The following KCTD2 variants were observed in gnomAD, a reference collection of about 807,000 sequenced individuals.
The protein encoded by KCTD2 is BTB/POZ domain-containing protein KCTD2.
KCTD2 carries 18 observed loss-of-function variants against 27.9 expected under a neutral mutation model. The ratio of observed to expected loss-of-function variants is 0.64; its 90% confidence interval spans 0.45 to 0.96. The LOEUF (loss-of-function observed/expected upper bound fraction) is 0.96, where lower values mean the gene tolerates loss of function less well. KCTD2 is among the 40% of genes least tolerant of loss of function. The pLI is 0.00. For synonymous variants in KCTD2, 175 were observed against 148.4 expected (o/e 1.18, Z -1.30); for missense variants, 280 against 348.0 (o/e 0.80, Z 1.56).
rs899680192 is a variant in KCTD2, at chr17:75,063,082, G to A, written c.*35G>A. The A allele has an allele frequency of 1.9e-6, 3 of 1,602,768 alleles. No homozygotes were observed. The highest frequency in any genetic ancestry group is 2.6e-6 in the Non-Finnish European group (3 of 1,170,216). On this transcript the variant is annotated 3_prime_UTR_variant, in exon 6 of 6. Coordinates refer to ENST00000322444, the MANE Select transcript of KCTD2 (RefSeq NM_015353.3). ...CCGAAAACTCCAGACCTTCAGGAGA[G>A]CAGTCAGCAGAGCCCCTCTGTGAAG...
chr17:75,051,676 C>T (rs1037680306), intron 2 of KCTD2, among the ~76,000 whole-genome samples: 6 of 150,944 alleles, frequency 4.0e-5, no homozygotes, highest in African/African-American at 7.3e-5. Flanking sequence ...ACAGTTATTT[C>T]TGAACTATTT....
Position 75,047,291 on chromosome 17 carries a change from G to C in KCTD2, c.41G>C (p.Gly14Ala). ...CTGGACCCGGCGATGGCGGGGCTGG[G>C]AGGGGGCGGCGGGAGTGGGGTGGGC... ...LQLDPAMAGL[G>A]GGGGSGVGDG... The change falls in exon 1 of 6, where the codon GGA becomes GCA. Residue 14 changes from glycine (G) to alanine (A), a missense_variant. By Grantham distance (60) the Gly-to-Ala change is moderately conservative. Transcript: ENST00000322444. 3.6e-6 allele frequency: 4 copies of C among 1,102,742 alleles called. No homozygotes were observed. Among genetic ancestry groups the C allele is most frequent in the Non-Finnish European group, 4.5e-6 (4 of 893,754 alleles). 68.3% of individuals were successfully genotyped at this position (1,102,742 alleles called of 1,614,324 possible).
At position 75,047,327 on chromosome 17, in the gene KCTD2, G is replaced by GCCCAC; in HGVS notation, c.81_82insCCCCA (p.Val28ProfsTer51). ...GGGAGTGGGGTGGGCGACGGGGGTGGCCCAGTCCGCGGGCCCCCCAGCCCA... is the reference window on the plus strand; with the variant it reads ...GGGAGTGGGGTGGGCGACGGGGGTGGCCCACCCCAGTCCGCGGGCCCCCCAGCCCA... On this transcript the variant is annotated frameshift_variant, in exon 1 of 6. Coordinates refer to ENST00000322444, the MANE Select transcript of KCTD2 (RefSeq NM_015353.3). LOFTEE classifies it high-confidence loss of function. The GCCCAC allele has an allele frequency of 8.6e-7, 1 of 1,158,540 alleles. No homozygotes were observed. 71.8% of individuals were successfully genotyped at this position (1,158,540 alleles called of 1,614,324 possible).
intron 3 of KCTD2, among the ~76,000 whole-genome samples, chr17:75,036,941 T>C (rs560299989): frequency 3.4e-4 from 51 of 152,130 alleles, no homozygotes; most frequent in Non-Finnish European, 3.4e-4. Context: ...AACCCGGCCT[T>C]ACTCCTACCA....
intron 1 of KCTD2, among the ~76,000 whole-genome samples, chr17:75,048,634 A>T (rs2073253272): frequency 6.6e-6 from 1 of 152,164 alleles, no homozygotes; most frequent in African/African-American, 2.4e-5. Flanking sequence ...TGTAAAGATG[A>T]GTAGGATTAA....
intron 2 of KCTD2, among the ~76,000 whole-genome samples, chr17:75,034,462 TG>T (rs2040094834): frequency 6.6e-6 from 1 of 152,108 alleles, no homozygotes; most frequent in Admixed American, 6.5e-5. Flanking sequence ...CCACAATCCC[TG>T]GCTTAGGAGG....
chr17:75,061,186 A>G (rs569245227), intron 4 of KCTD2, among the ~76,000 whole-genome samples: 23 of 152,282 alleles, frequency 1.5e-4, no homozygotes, highest in Non-Finnish European at 3.1e-4. Flanking sequence ...TTTGTTTCAG[A>G]CAGGCGGAGG....
At chr17:75,056,503 C>G (rs1035028685) in intron 3 of KCTD2, among the ~76,000 whole-genome samples, 2 of 152,168 alleles carry the variant, frequency 1.3e-5, no homozygotes, top group Non-Finnish European at 2.9e-5. Flanking sequence ...TATAAGATTT[C>G]TGTTTGATGA....
intron 3 of KCTD2, among the ~76,000 whole-genome samples, chr17:75,036,791 G>T (rs191193797): frequency 6.6e-6 from 1 of 152,218 alleles, no homozygotes; most frequent in Admixed American, 6.5e-5. Context: ...CTGCAGTCTC[G>T]CAGGGGAAGG....
chr17:75,040,411 C>T (rs1370468808), intron 3 of KCTD2: 3 of 488,098 alleles, frequency 6.1e-6, no homozygotes, highest in Non-Finnish European at 1.1e-5. Context: ...GAACCCTGGA[C>T]AATTCTTTAT....
intron 2 of KCTD2, among the ~76,000 whole-genome samples, chr17:75,052,133 TG>T (rs2073294572): frequency 6.6e-6 from 1 of 152,094 alleles, no homozygotes; most frequent in African/African-American, 2.4e-5. Context: ...CTGCAGCTAA[TG>T]GGCAGGTGCC....
At position 75,065,538 on chromosome 17, in the gene KCTD2, G is replaced by A. The variant is rs755919136; in HGVS notation, c.*2491G>A. 27 of 152,382 alleles carry A rather than the reference G, an allele frequency of 1.8e-4. No individual in the cohort carries two copies. Among genetic ancestry groups the A allele is most frequent in the Non-Finnish European group, 3.2e-4 (22 of 68,206 alleles). The allele number at this position is 152,382 out of a possible 1,614,324, so 9.4% of individuals were successfully genotyped here. On this transcript the variant is annotated 3_prime_UTR_variant, in exon 6 of 6. Transcript: ENST00000322444. Reference sequence around the variant, plus strand: ...GGTGATGCCAGCCAGGCCCAGGAGTGCCCAGCATCCCCCAACTGATGACAC... The same window carrying A: ...GGTGATGCCAGCCAGGCCCAGGAGTACCCAGCATCCCCCAACTGATGACAC...
upstream of KCTD2, among the ~76,000 whole-genome samples, chr17:75,046,617 G>A (rs953608180): frequency 6.6e-6 from 1 of 152,224 alleles, no homozygotes; most frequent in Non-Finnish European, 1.5e-5. Flanking sequence ...TGTTTCCCCA[G>A]TCCCCCCACC....
At chr17:75,048,998 C>T (rs948567867) in intron 1 of KCTD2, 1 of 406,342 alleles carries the variant, frequency 2.5e-6, no homozygotes, top group Non-Finnish European at 4.4e-6. Flanking sequence ...CTGTAACACC[C>T]TACCTAAGAT....
intron 2 of KCTD2, among the ~76,000 whole-genome samples, chr17:75,034,585 G>A (rs1421814791): frequency 2.0e-5 from 3 of 152,278 alleles, no homozygotes; most frequent in African/African-American, 7.2e-5. Context: ...GGGTCACCGC[G>A]CTCCAAGCCT....
intron 3 of KCTD2, chr17:75,041,337 A>G (rs1379423692): frequency 6.8e-6 from 1 of 146,720 alleles, no homozygotes; most frequent in African/African-American, 2.5e-5. Context: ...CCTGAGTGAC[A>G]GAGTGAGACT....
At position 75,063,095 on chromosome 17, in the gene KCTD2, C is replaced by G; in HGVS notation, c.*48C>G. On this transcript the variant is annotated 3_prime_UTR_variant, in exon 6 of 6. Transcript: ENST00000322444. ...ACCTTCAGGAGAGCAGTCAGCAGAGCCCCTCTGTGAAGTGAAACCTCACTC... is the reference window on the plus strand; with the variant it reads ...ACCTTCAGGAGAGCAGTCAGCAGAGGCCCTCTGTGAAGTGAAACCTCACTC... 1 of 1,579,220 alleles carries G rather than the reference C, an allele frequency of 6.3e-7. No homozygotes were observed. Among genetic ancestry groups the G allele is most frequent in the Non-Finnish European group, 8.7e-7 (1 of 1,149,428 alleles).
In KCTD2 at chr17:75,040,249, CA is replaced by C; in HGVS notation, c.-259+4895del. The C allele has an allele frequency of 2.6e-6, 4 of 1,524,064 alleles. No homozygotes were observed. In the South Asian group the frequency reaches 4.5e-5, roughly 17 times the overall value. The allele number at this position is 1,524,064 out of a possible 1,614,324, so 94.4% of individuals were successfully genotyped here. A position where few individuals can be genotyped will look rare whatever the true frequency, so the allele number is the denominator to read the frequency against. ...GTCGTCGCCAATACACCCAGGAGCT[CA>C]AAGGGCTGGAAGCTACGAATCCTTA... On this transcript the variant is annotated intron_variant, in intron 3 of 7. Transcript: ENST00000581589.
intron 3 of KCTD2, chr17:75,039,503 G>C (rs1370721431): frequency 5.8e-6 from 3 of 520,894 alleles, no homozygotes; most frequent in African/African-American, 1.9e-5. Flanking sequence ...GGCTGCTTCT[G>C]CAAGTTCCTC....
Sources: allele counts gnomAD v4.1 joint callset (sites outside exome capture counted in the v4.1 genomes callset), GRCh38; gene constraint gnomAD v4.1.1; transcripts MANE v1.5; gene names NCBI Gene and HGNC (gene_info 2026-07-23, HGNC 2026-07-21).